Variants in DSC3 observed in about 807,000 individuals in gnomAD.
DSC3 encodes the protein desmocollin-3.
DSC3 carries 97 observed loss-of-function variants against 89.5 expected under a neutral mutation model. The ratio of observed to expected loss-of-function variants is 1.08; its 90% CI spans 0.92 to 1.28. The LOEUF is 1.28. Among genes scored for constraint, DSC3 ranks in the 50% most tolerant of loss-of-function variants. DSC3 has a pLI of 0.00. For missense variants in DSC3, 1,199 were observed against 1,085.3 expected (o/e 1.10, Z -1.47); for synonymous variants, 436 against 384.1 (o/e 1.14, Z -1.58).
intron 12 of DSC3, among the ~76,000 whole-genome samples, chr18:31,004,860 A>G (rs1598602538): frequency 1.3e-5 from 2 of 152,228 alleles, no homozygotes; most frequent in East Asian, 3.8e-4. Flanking sequence ...CCAGAAGCTA[A>G]TTAATGTCAC....
intron 4 of DSC3, among the ~76,000 whole-genome samples, chr18:31,027,469 T>C (rs1598548468): frequency 6.7e-6 from 1 of 148,212 alleles, no homozygotes. Flanking sequence ...ATTGGTTTCC[T>C]TCCTTCCTTC....
At chr18:31,001,774 T>C in intron 13 of DSC3, 35 bp from the exon 14 acceptor site, 3 of 1,476,486 alleles carry the variant, frequency 2.0e-6, no homozygotes, top group Non-Finnish European at 1.8e-6. Context: ...TAACTTACTT[T>C]AGCATACATA....
chr18:31,021,358 A>C (rs1985413002), intron 7 of DSC3, among the ~76,000 whole-genome samples: 1 of 152,080 alleles, frequency 6.6e-6, no homozygotes, highest in Non-Finnish European at 1.5e-5. Context: ...TCCCCTTAAA[A>C]CTTTCCCACT....
chr18:31,000,047 C>T (rs930278571), intron 14 of DSC3, among the ~76,000 whole-genome samples: 1 of 152,046 alleles, frequency 6.6e-6, no homozygotes, highest in Non-Finnish European at 1.5e-5. Flanking sequence ...ATTAAACCTG[C>T]TTTCTCGCTG....
chr18:31,023,259 A>G (rs1035671710), intron 6 of DSC3, among the ~76,000 whole-genome samples: 6 of 152,170 alleles, frequency 3.9e-5, no homozygotes, highest in African/African-American at 1.4e-4. Context: ...GAGGCTAAAA[A>G]CATTGTAGGT....
intron 1 of DSC3, among the ~76,000 whole-genome samples, chr18:31,038,104 A>G (rs186064461): frequency 6.6e-4 from 101 of 152,330 alleles, no homozygotes; most frequent in African/African-American, 2.4e-3. Flanking sequence ...AGAACATAAA[A>G]TATTTATATC....
At chr18:31,017,268 A>G (rs1225554017) in intron 9 of DSC3, among the ~76,000 whole-genome samples, 1 of 152,190 alleles carries the variant, frequency 6.6e-6, no homozygotes, top group Non-Finnish European at 1.5e-5. Context: ...ATAATTGCAA[A>G]TAGAGGTGTT....
intron 1 of DSC3, among the ~76,000 whole-genome samples, chr18:31,036,202 A>G (rs1168857810): frequency 6.6e-6 from 1 of 152,156 alleles, no homozygotes; most frequent in Non-Finnish European, 1.5e-5. Flanking sequence ...AGCATATTAA[A>G]TCTCTCTATT....
chr18:31,034,656 C>T (rs1220162208), intron 1 of DSC3, among the ~76,000 whole-genome samples: 1 of 152,132 alleles, frequency 6.6e-6, no homozygotes, highest in Non-Finnish European at 1.5e-5. Flanking sequence ...CTAAAAAGTA[C>T]TTTATTAAGT....
chr18:31,007,420 G>T (rs1009683056), intron 11 of DSC3, among the ~76,000 whole-genome samples: 1 of 152,038 alleles, frequency 6.6e-6, no homozygotes, highest in African/African-American at 2.4e-5. Context: ...GGGGTTCCAG[G>T]TGCCACATGT....
intron 9 of DSC3, among the ~76,000 whole-genome samples, chr18:31,013,166 A>G (rs1357057529): frequency 1.3e-5 from 2 of 152,182 alleles, no homozygotes; most frequent in East Asian, 3.8e-4. Context: ...TAAACAATAA[A>G]TTAACGGTAC....
At position 30,989,734 on chromosome 18, in the gene DSC3, T is replaced by C. The variant is rs1984168433; in HGVS notation, c.*4441A>G. Among the ~76,000 whole-genome samples the C allele has an allele frequency of 6.6e-6, 1 of 152,204 alleles. No individual in the cohort carries two copies. Among genetic ancestry groups the C allele is most frequent in the Non-Finnish European group, 1.5e-5 (1 of 68,026 alleles). ...AAGCCCGTAAACATGTTCTGAATAC[T>C]ATTTAATTTTTCTGCCCATGAAACC... On this transcript the variant is annotated 3_prime_UTR_variant, in exon 16 of 16. Transcript: ENST00000360428.
At chr18:30,995,576 T>G (rs964309273) in intron 15 of DSC3, among the ~76,000 whole-genome samples, 41 of 152,182 alleles carry the variant, frequency 2.7e-4, no homozygotes, top group African/African-American at 8.9e-4. Context: ...TTGAATCATC[T>G]CGGAAATGTA....
rs868523031 is a variant in DSC3 at position 31,025,916 on chromosome 18, C to T, written c.475-1G>A. ...AGTTCTGTGCTGCATCAGATTCAAC[C>T]TAAAAGTAGAAAAAAAATATGCAAA... On this transcript the variant is annotated splice_acceptor_variant, in intron 4 of 15. Coordinates refer to ENST00000360428, the MANE Select transcript of DSC3 (RefSeq NM_001941.5). LOFTEE classifies it high-confidence loss of function. 1 of 1,609,826 alleles carries T rather than the reference C, an allele frequency of 6.2e-7. No homozygotes were observed. The highest frequency in any genetic ancestry group is 8.5e-7 in the Non-Finnish European group (1 of 1,178,346).
chr18:31,001,617 C>T lies in DSC3; in HGVS notation c.2235+1G>A. On this transcript the variant is annotated splice_donor_variant, in intron 14 of 15. Coordinates refer to ENST00000360428, the MANE Select transcript of DSC3 (RefSeq NM_001941.5). LOFTEE classifies it high-confidence loss of function. ...TACATATTTATTTAAAAATTACTTA[C>T]CACTCTATCGTCTCCAGGTGCTTCT... 1 of 1,608,698 alleles carries T rather than the reference C, an allele frequency of 6.2e-7. No homozygotes were observed. Among genetic ancestry groups the T allele is most frequent in the South Asian group, 1.1e-5 (1 of 90,168 alleles).
At chr18:31,041,378 C>A (rs1168679358) in intron 1 of DSC3, among the ~76,000 whole-genome samples, 1 of 152,224 alleles carries the variant, frequency 6.6e-6, no homozygotes, top group Non-Finnish European at 1.5e-5. Flanking sequence ...CAAATGGATG[C>A]GCTTATTTGT....
chr18:31,030,449 C>T (rs1347967164), intron 3 of DSC3, among the ~76,000 whole-genome samples: 1 of 152,162 alleles, frequency 6.6e-6, no homozygotes, highest in Non-Finnish European at 1.5e-5. Context: ...TTTGTGACTA[C>T]TTTCATAATG....
In DSC3 at chr18:31,025,651, A is replaced by G. The variant is rs1985571443; in HGVS notation, c.630+109T>C. ...CATTCTATTTCCCATTGACTCTAAG[A>G]TACCCTCTAAGAAGAGAATGCAAGG... On this transcript the variant is annotated intron_variant, in intron 5 of 15. Transcript: ENST00000360428. 6.7e-6 allele frequency: 8 copies of G among 1,199,116 alleles called. No homozygotes were observed. In the Admixed American group the frequency reaches 8.8e-5, roughly 13 times the overall value. The allele number at this position is 1,199,116 out of a possible 1,614,324, so 74.3% of individuals were successfully genotyped here. A position where few individuals can be genotyped will look rare whatever the true frequency, so the allele number is the denominator to read the frequency against.
chr18:31,020,103 G>A (rs938060947), intron 7 of DSC3, among the ~76,000 whole-genome samples: 1 of 152,132 alleles, frequency 6.6e-6, no homozygotes, highest in African/African-American at 2.4e-5. Flanking sequence ...TTATGTGCCT[G>A]AAGGAAATCT....
Sources: allele counts gnomAD v4.1 joint callset (sites outside exome capture counted in the v4.1 genomes callset), GRCh38; gene constraint gnomAD v4.1.1; transcripts MANE v1.5; gene names NCBI Gene and HGNC (gene_info 2026-07-23, HGNC 2026-07-21).